The following COLEC10 variants were observed in gnomAD, a reference collection of about 807,000 sequenced individuals.
The protein encoded by COLEC10 is collectin subfamily member 10.
COLEC10 carries 22 observed loss-of-function variants against 28.4 expected under a neutral mutation model. That is an observed-to-expected ratio of 0.78 (90% CI 0.55 to 1.11). The LOEUF (loss-of-function observed/expected upper bound fraction) is 1.11, where lower values mean the gene tolerates loss of function less well. Ranked by LOEUF, COLEC10 falls within the 50% of genes least tolerant of loss-of-function variation. COLEC10 has a pLI of 0.00. For synonymous variants in COLEC10, 125 were observed against 116.1 expected (o/e 1.08, Z -0.49); for missense variants, 361 against 344.1 (o/e 1.05, Z -0.39).
chr8:119,084,839 T>C (rs1815439883), intron 1 of COLEC10, among the ~76,000 whole-genome samples: 2 of 152,178 alleles, frequency 1.3e-5, no homozygotes, highest in Admixed American at 6.5e-5. Flanking sequence ...TTATCTTTAA[T>C]TATGTGAAAA....
intron 1 of COLEC10, among the ~76,000 whole-genome samples, chr8:119,001,158 C>T (rs1321791204): frequency 6.6e-6 from 1 of 151,940 alleles, no homozygotes; most frequent in East Asian, 1.9e-4. Flanking sequence ...ATTGAGGATG[C>T]TAATCATTGC....
At chr8:119,096,982 T>C (rs1376444871) in intron 3 of COLEC10, among the ~76,000 whole-genome samples, 1 of 152,044 alleles carries the variant, frequency 6.6e-6, no homozygotes, top group African/African-American at 2.4e-5. Context: ...AATGAATATA[T>C]GGACACAGTA....
chr8:119,087,802 C>T (rs779323200), intron 1 of COLEC10, among the ~76,000 whole-genome samples: 6 of 152,036 alleles, frequency 3.9e-5, no homozygotes, highest in Admixed American at 2.0e-4. Flanking sequence ...GGGATAGAAA[C>T]GTACATGTTG....
rs544595361 is a variant in COLEC10, at chr8:119,008,860, A to G, written n.123-581A>G. 2.6e-4 allele frequency among the ~76,000 whole-genome samples: 40 copies of G among 151,292 alleles called. 1 individual carries two copies. The highest frequency in any genetic ancestry group is 6.4e-4 in the African/African-American group (26 of 40,646). ...CCCTCTTGAATTGTTGTTACAATTAAGTGAAAATGTGTGAAGGAAAACGTT... is the reference window on the plus strand; with the variant it reads ...CCCTCTTGAATTGTTGTTACAATTAGGTGAAAATGTGTGAAGGAAAACGTT... On this transcript the variant is annotated intron_variant and non_coding_transcript_variant, in intron 1 of 6. Transcript: ENST00000521788.
chr8:119,016,530 G>C (rs1207719342), intron 2 of COLEC10, among the ~76,000 whole-genome samples: 1 of 151,978 alleles, frequency 6.6e-6, no homozygotes, highest in Non-Finnish European at 1.5e-5. Context: ...ATAATCCTTT[G>C]AGTATATACC....
chr8:119,070,578 C>CCT (rs1554627463), intron 1 of COLEC10, among the ~76,000 whole-genome samples: 1 of 103,038 alleles, frequency 9.7e-6, no homozygotes, highest in African/African-American at 4.1e-5. Context: ...CCCCCCACCC[C>CCT]TTCTCTCTCT....
chr8:119,017,214 G>A (rs1004549861), intron 2 of COLEC10, among the ~76,000 whole-genome samples: 2 of 152,104 alleles, frequency 1.3e-5, no homozygotes, highest in Non-Finnish European at 2.9e-5. Context: ...TAGTAGATTC[G>A]ATATCTGAAT....
chr8:118,959,610 G>C, the COLEC10 span, among the ~76,000 whole-genome samples: 2 of 152,186 alleles, frequency 1.3e-5, no homozygotes, highest in Non-Finnish European at 2.9e-5. Flanking sequence ...ATTGTACCTT[G>C]AGCTGTGTGG....
At chr8:119,056,054 A>T (rs1452678139) in intron 2 of COLEC10, among the ~76,000 whole-genome samples, 2 of 152,024 alleles carry the variant, frequency 1.3e-5, no homozygotes, top group Non-Finnish European at 2.9e-5. Flanking sequence ...ATGACACCGC[A>T]TCCAATTGTT....
chr8:119,002,224 T>G (rs1675673119), intron 1 of COLEC10, among the ~76,000 whole-genome samples: 1 of 152,170 alleles, frequency 6.6e-6, no homozygotes, highest in Admixed American at 6.6e-5. Context: ...TGGATAACTT[T>G]CATTTAAAAT....
the COLEC10 span, among the ~76,000 whole-genome samples, chr8:118,977,840 C>T: frequency 6.6e-6 from 1 of 151,818 alleles, no homozygotes; most frequent in Non-Finnish European, 1.5e-5. Context: ...GTTGTTAATA[C>T]TAGCAAGTGC....
chr8:118,983,107 G>A, the COLEC10 span, among the ~76,000 whole-genome samples: 12 of 152,162 alleles, frequency 7.9e-5, no homozygotes, highest in South Asian at 1.4e-3. Flanking sequence ...GCTCTGAGCC[G>A]TTGCTCTGAA....
At chr8:119,067,586 T>A in intron 1 of COLEC10, 157 bp downstream of exon 1, 1 of 657,008 alleles carries the variant, frequency 1.5e-6, no homozygotes, top group Non-Finnish European at 2.5e-6. Context: ...CCAGATCTGG[T>A]CTGTTACTTA....
intron 1 of COLEC10, among the ~76,000 whole-genome samples, chr8:119,081,364 T>C (rs952917834): frequency 6.6e-6 from 1 of 152,180 alleles, no homozygotes; most frequent in Non-Finnish European, 1.5e-5. Flanking sequence ...TTTTATTTTA[T>C]TGTCCTTTTT....
chr8:119,103,448 T>C (rs770471687), intron 4 of COLEC10, among the ~76,000 whole-genome samples: 60 of 152,190 alleles, frequency 3.9e-4, no homozygotes, highest in Middle Eastern at 3.2e-3. Context: ...TCAAGAAAGC[T>C]GTAAAAATTT....
intron 2 of COLEC10, among the ~76,000 whole-genome samples, chr8:119,055,223 A>G (rs925780356): frequency 6.6e-6 from 1 of 151,976 alleles, no homozygotes; most frequent in Admixed American, 6.6e-5. Flanking sequence ...TAGGTCAACC[A>G]CTCACTGTTC....
chr8:119,070,176 G>A (rs907012821), intron 1 of COLEC10, among the ~76,000 whole-genome samples: 1 of 152,102 alleles, frequency 6.6e-6, no homozygotes, highest in Admixed American at 6.6e-5. Flanking sequence ...TTACACTTCA[G>A]TGTCTTCATT....
At chr8:119,029,966 T>A (rs1254111764) in intron 2 of COLEC10, among the ~76,000 whole-genome samples, 3 of 152,138 alleles carry the variant, frequency 2.0e-5, no homozygotes, top group African/African-American at 7.2e-5. Flanking sequence ...CTTAACTATA[T>A]ATGTATGTAG....
intron 3 of COLEC10, among the ~76,000 whole-genome samples, chr8:119,096,469 T>A (rs1815719983): frequency 6.7e-6 from 1 of 150,322 alleles, no homozygotes; most frequent in South Asian, 2.1e-4. Flanking sequence ...CACATGCCTG[T>A]AATCCCAGCT....
Sources: allele counts gnomAD v4.1 joint callset (sites outside exome capture counted in the v4.1 genomes callset), GRCh38; gene constraint gnomAD v4.1.1; transcripts MANE v1.5; gene names NCBI Gene and HGNC (gene_info 2026-07-23, HGNC 2026-07-21).